LRRTM4: variants seen among roughly 807,000 people sequenced by gnomAD.
The protein encoded by LRRTM4 is leucine-rich repeat transmembrane neuronal protein 4.
LRRTM4 carries 25 observed loss-of-function variants against 47.6 expected under a neutral mutation model. The ratio of observed to expected loss-of-function variants is 0.53; its 90% CI spans 0.38 to 0.73. The LOEUF is 0.73. LRRTM4 is among the 30% of genes least tolerant of loss of function. The probability of loss-of-function intolerance (pLI) is 0.00; values close to 1 mark genes in which losing one functional copy is unlikely to be tolerated. For missense variants in LRRTM4, 638 were observed against 713.4 expected, an observed-to-expected ratio of 0.89 and a Z score of 1.20; for synonymous variants, 311 against 269.5, an observed-to-expected ratio of 1.15 and a Z score of -1.51.
intron 3 of LRRTM4, among the ~76,000 whole-genome samples, chr2:77,138,630 A>G (rs1672021892): frequency 6.6e-6 from 1 of 152,220 alleles, no homozygotes; most frequent in African/African-American, 2.4e-5. Flanking sequence ...ATCAGAGCAG[A>G]ACTGAAGGAG....
At chr2:77,430,414 A>C (rs908739271) in intron 3 of LRRTM4, among the ~76,000 whole-genome samples, 2 of 152,104 alleles carry the variant, frequency 1.3e-5, no homozygotes, top group African/African-American at 4.8e-5. Context: ...GTGATGATTA[A>C]TTTTAGAATT....
intron 3 of LRRTM4, among the ~76,000 whole-genome samples, chr2:76,970,079 A>C (rs186747556): frequency 4.6e-5 from 7 of 152,046 alleles, no homozygotes; most frequent in Admixed American, 2.6e-4. Context: ...GTTCATCGTC[A>C]CTCAACAGGT....
At chr2:76,922,277 A>G (rs1296532118) in intron 3 of LRRTM4, among the ~76,000 whole-genome samples, 1 of 152,104 alleles carries the variant, frequency 6.6e-6, no homozygotes, top group Non-Finnish European at 1.5e-5. Flanking sequence ...TTCAGGCTTA[A>G]CAGGAAGCAT....
intron 3 of LRRTM4, among the ~76,000 whole-genome samples, chr2:77,004,825 G>C (rs775993808): frequency 6.6e-6 from 1 of 152,142 alleles, no homozygotes; most frequent in Non-Finnish European, 1.5e-5. Context: ...TCCACATCTT[G>C]CATCAGCATG....
chr2:77,334,755 AT>A (rs1245434483), intron 3 of LRRTM4, among the ~76,000 whole-genome samples: 2 of 152,152 alleles, frequency 1.3e-5, no homozygotes, highest in Middle Eastern at 3.2e-3. Context: ...TACAATTTCT[AT>A]CCATCCTTCT....
intron 3 of LRRTM4, among the ~76,000 whole-genome samples, chr2:77,100,002 G>T (rs923492671): frequency 6.6e-6 from 1 of 151,996 alleles, no homozygotes; most frequent in African/African-American, 2.4e-5. Flanking sequence ...TCTACAAATT[G>T]TTCTTTCCTT....
chr2:77,156,152 C>G (rs1403359180), intron 3 of LRRTM4, among the ~76,000 whole-genome samples: 1 of 151,974 alleles, frequency 6.6e-6, no homozygotes, highest in East Asian at 1.9e-4. Flanking sequence ...TAAACAGGAG[C>G]ACTCAGTTAA....
chr2:76,915,152 G>T (rs1200427671), intron 3 of LRRTM4, among the ~76,000 whole-genome samples: 1 of 152,206 alleles, frequency 6.6e-6, no homozygotes, highest in Admixed American at 6.5e-5. Flanking sequence ...GGGAATAAGA[G>T]TGAACCCTGG....
chr2:76,861,613 G>C (rs1672315611), intron 3 of LRRTM4, among the ~76,000 whole-genome samples: 1 of 152,024 alleles, frequency 6.6e-6, no homozygotes, highest in South Asian at 2.1e-4. Context: ...TCTTGACATA[G>C]GCATTGAAAT....
intron 3 of LRRTM4, among the ~76,000 whole-genome samples, chr2:76,871,042 C>T (rs2104052364): frequency 6.6e-6 from 1 of 152,254 alleles, no homozygotes; most frequent in Middle Eastern, 3.4e-3. Flanking sequence ...GGTTGCAAAG[C>T]AGTATGATGT....
At chr2:76,809,394 G>T (rs1670660548) in intron 3 of LRRTM4, among the ~76,000 whole-genome samples, 1 of 152,058 alleles carries the variant, frequency 6.6e-6, no homozygotes, top group Admixed American at 6.6e-5. Flanking sequence ...AGTTATGTCA[G>T]CTCCTTCTTT....
intron 3 of LRRTM4, among the ~76,000 whole-genome samples, chr2:77,367,725 C>T (rs993855873): frequency 8.6e-5 from 13 of 151,828 alleles, no homozygotes; most frequent in Admixed American, 6.6e-4. Context: ...TGATAAGAGA[C>T]GGTAGGTAGG....
At chr2:77,295,618 A>C (rs1413010089) in intron 3 of LRRTM4, among the ~76,000 whole-genome samples, 2 of 152,156 alleles carry the variant, frequency 1.3e-5, no homozygotes, top group African/African-American at 2.4e-5. Flanking sequence ...GAGGTTTAGC[A>C]GTCCAAAATG....
intron 3 of LRRTM4, among the ~76,000 whole-genome samples, chr2:77,286,122 C>T (rs959857630): frequency 6.6e-6 from 1 of 151,960 alleles, no homozygotes; most frequent in Non-Finnish European, 1.5e-5. Context: ...TTGGATGTTT[C>T]CTGTTATTTT....
At chr2:77,378,771 T>C (rs1256768355) in intron 3 of LRRTM4, among the ~76,000 whole-genome samples, 2 of 152,106 alleles carry the variant, frequency 1.3e-5, no homozygotes, top group African/African-American at 2.4e-5. Context: ...AAATTTCACC[T>C]GCCTCAGTGT....
chr2:77,230,938 C>CTAAA (rs1454671427), intron 3 of LRRTM4, among the ~76,000 whole-genome samples: 1 of 151,980 alleles, frequency 6.6e-6, no homozygotes, highest in African/African-American at 2.4e-5. Context: ...CAAAAGATTT[C>CTAAA]TAAATAAATA....
At chr2:77,378,947 A>G (rs992857525) in intron 3 of LRRTM4, among the ~76,000 whole-genome samples, 5 of 152,178 alleles carry the variant, frequency 3.3e-5, no homozygotes, top group Admixed American at 1.3e-4. Context: ...GTCATTATGC[A>G]TAAATGATGT....
chr2:77,018,704 C>T (rs1345601082), intron 3 of LRRTM4, among the ~76,000 whole-genome samples: 1 of 152,130 alleles, frequency 6.6e-6, no homozygotes, highest in African/African-American at 2.4e-5. Context: ...AGGTTTACCA[C>T]AACTCAGAAA....
intron 3 of LRRTM4, among the ~76,000 whole-genome samples, chr2:77,275,989 G>A (rs1375614385): frequency 1.3e-5 from 2 of 151,944 alleles, no homozygotes; most frequent in Non-Finnish European, 2.9e-5. Context: ...TTCAAAAAAT[G>A]GGAGTTTTGG....
Sources: allele counts gnomAD v4.1 joint callset (sites outside exome capture counted in the v4.1 genomes callset), GRCh38; gene constraint gnomAD v4.1.1; transcripts MANE v1.5; gene names NCBI Gene and HGNC (gene_info 2026-07-23, HGNC 2026-07-21).